The following SGCE variants were observed in gnomAD, a reference collection of about 807,000 sequenced individuals.
SGCE encodes the protein sarcoglycan epsilon.
In SGCE, 26 loss-of-function variants were observed where a neutral mutation model predicts 57.8. That is an observed-to-expected ratio of 0.45 (90% CI 0.33 to 0.62). SGCE has a LOEUF of 0.62. Ranked by LOEUF, SGCE falls within the 20% of genes least tolerant of loss-of-function variation. The probability of loss-of-function intolerance (pLI) is 0.02; values close to 1 mark genes in which losing one functional copy is unlikely to be tolerated. For synonymous variants in SGCE, 183 were observed against 189.5 expected, an observed-to-expected ratio of 0.97 and a Z score of 0.28; for missense variants, 468 against 548.6, an observed-to-expected ratio of 0.85 and a Z score of 1.47.
intron 3 of SGCE, chr7:94,626,938 T>G (rs1296754006): frequency 6.6e-6 from 1 of 152,050 alleles, no homozygotes; most frequent in African/African-American, 2.4e-5. Flanking sequence ...TCCATAACTA[T>G]CATGACAATT....
chr7:94,588,598 G>A, intron 10 of SGCE, 91 bp downstream of exon 10: 1 of 1,555,744 alleles, frequency 6.4e-7, no homozygotes, highest in Non-Finnish European at 8.7e-7. Context: ...ATTTGGTGAA[G>A]ATAAAGCTTC....
At chr7:94,590,824 T>C (rs1369634106) in intron 9 of SGCE, 5 of 152,224 alleles carry the variant, frequency 3.3e-5, no homozygotes, top group African/African-American at 1.2e-4. Context: ...TGAAAACCAT[T>C]GATATGAATT....
intron 1 of SGCE, among the ~76,000 whole-genome samples, chr7:94,637,090 T>C (rs916595865): frequency 6.6e-6 from 1 of 151,184 alleles, no homozygotes; most frequent in African/African-American, 2.4e-5. Context: ...ACAAAACATA[T>C]ATTTGTCAAA....
intron 5 of SGCE, among the ~76,000 whole-genome samples, chr7:94,614,016 G>A (rs2116839494): frequency 7.1e-6 from 1 of 141,816 alleles, no homozygotes. Flanking sequence ...CAGAAATTAG[G>A]AAAACATTGA....
chr7:94,604,847 AT>A (rs1562815458), intron 5 of SGCE, among the ~76,000 whole-genome samples: 18 of 80,916 alleles, frequency 2.2e-4, no homozygotes, highest in East Asian at 2.1e-3. Context: ...ATATATATAT[AT>A]ATATATATAT....
chr7:94,586,885 C>T (rs1796982242), intron 10 of SGCE: 3 of 985,018 alleles, frequency 3.0e-6, no homozygotes, highest in Admixed American at 6.2e-5. Flanking sequence ...GGTCTCTCTC[C>T]CTTTGGCACT....
At chr7:94,587,107 T>G (rs931931546) in intron 10 of SGCE, 344 of 984,500 alleles carry the variant, frequency 3.5e-4, no homozygotes, top group Middle Eastern at 5.2e-4. Context: ...AAAAATAATT[T>G]TATAAATTAG....
rs981148806 is a variant in SGCE at position 94,588,995 on chromosome 7, G to A, written c.1254-263C>T. On this transcript the variant is annotated intron_variant, in intron 9 of 10. Coordinates refer to ENST00000648936, the MANE Select transcript of SGCE (RefSeq NM_003919.3). Reference sequence around the variant, plus strand: ...ACCTCACAACAACCCTAAGAGGTAGGTGTTAATATTTTTCCCATTTTATGG... The same window carrying A: ...ACCTCACAACAACCCTAAGAGGTAGATGTTAATATTTTTCCCATTTTATGG... 1.5e-5 allele frequency: 7 copies of A among 468,926 alleles called. No individual in the cohort carries two copies. The South Asian group carries it at 1.6e-4, about 11-fold the overall frequency. 29.0% of individuals were successfully genotyped at this position (468,926 alleles called of 1,614,324 possible).
intron 5 of SGCE, among the ~76,000 whole-genome samples, chr7:94,608,644 G>A (rs1800529674): frequency 6.6e-6 from 1 of 152,186 alleles, no homozygotes; most frequent in African/African-American, 2.4e-5. Flanking sequence ...AACAAATTTT[G>A]AGGACTGACA....
intron 9 of SGCE, among the ~76,000 whole-genome samples, chr7:94,595,712 T>C (rs141985011): frequency 8.3e-4 from 127 of 152,180 alleles, no homozygotes; most frequent in Non-Finnish European, 1.6e-3. Context: ...TGGTAAAAAG[T>C]AAAAGTTGAA....
At chr7:94,655,224 A>T (rs1469159842) in intron 1 of SGCE, among the ~76,000 whole-genome samples, 1 of 152,210 alleles carries the variant, frequency 6.6e-6, no homozygotes, top group Non-Finnish European at 1.5e-5. Context: ...CGCCACCAAA[A>T]GTCGGTAGCT....
At chr7:94,613,997 A>G (rs1801467810) in intron 5 of SGCE, among the ~76,000 whole-genome samples, 1 of 152,058 alleles carries the variant, frequency 6.6e-6, no homozygotes, top group African/African-American at 2.4e-5. Context: ...AAACAAGTGA[A>G]AAAGTCACCA....
chr7:94,596,979 AAG>A (rs1023926535), intron 9 of SGCE, among the ~76,000 whole-genome samples: 90 of 152,284 alleles, frequency 5.9e-4, no homozygotes, highest in African/African-American at 2.0e-3. Context: ...AAAAAGGGAT[AAG>A]AGGTTGTTAA....
intron 7 of SGCE, 164 bp downstream of exon 7, chr7:94,600,482 T>G: frequency 1.7e-6 from 1 of 605,558 alleles, no homozygotes; most frequent in South Asian, 2.0e-5. Context: ...GACTCAAAAC[T>G]ATTTTAATTC....
rs376551512 is a variant in SGCE at position 94,588,523 on chromosome 7, A to G, written c.1297+166T>C. The G allele has an allele frequency of 1.3e-4, 188 of 1,453,018 alleles. 1 individual carries two copies. The highest frequency in any genetic ancestry group is 1.0e-3 in the Middle Eastern group (4 of 3,922). 90.0% of individuals were successfully genotyped at this position (1,453,018 alleles called of 1,614,324 possible). ...TTATCATTCTGATGCCAATCTATGT[A>G]ATAATCTAAGCTATTATTCTGAGGT... On this transcript the variant is annotated intron_variant, in intron 10 of 10. Coordinates refer to ENST00000648936, the MANE Select transcript of SGCE (RefSeq NM_003919.3).
chr7:94,588,721 T>G lies in SGCE; in HGVS notation c.1265A>C (p.His422Pro), dbSNP rs1208271707. Residue 422 changes from histidine to proline, a missense_variant, in exon 10 of 11, where the codon CAT (histidine) becomes CCT (proline). Physicochemically the swap from His to Pro is moderately conservative, Grantham distance 77. Coordinates refer to ENST00000648936, the MANE Select transcript of SGCE (RefSeq NM_003919.3). ...CTGCTGTTGGGGAATCTGAGTCTGA[T>G]GTGGCAAGTTCCTAGAAATGATGAA... ...PLMQTQQNLPHQTQIPQQQTT... is the reference protein window; with the variant it reads ...PLMQTQQNLPPQTQIPQQQTT... 23 of 1,612,120 alleles carry G rather than the reference T, an allele frequency of 1.4e-5. No individual in the cohort carries two copies. The highest frequency in any genetic ancestry group is 2.0e-5 in the Non-Finnish European group (23 of 1,178,356).
At chr7:94,594,872 GA>G (rs1189800409) in intron 9 of SGCE, among the ~76,000 whole-genome samples, 1 of 152,072 alleles carries the variant, frequency 6.6e-6, no homozygotes, top group Non-Finnish European at 1.5e-5. Context: ...TCTGTAATTT[GA>G]AAAGCAAAAG....
At chr7:94,643,255 A>G (rs1806641388) in intron 1 of SGCE, among the ~76,000 whole-genome samples, 1 of 152,236 alleles carries the variant, frequency 6.6e-6, no homozygotes, top group Non-Finnish European at 1.5e-5. Context: ...CTAACCCAGC[A>G]TAAGATTTAA....
chr7:94,644,277 T>C (rs558948326), intron 1 of SGCE, among the ~76,000 whole-genome samples: 16 of 152,338 alleles, frequency 1.1e-4, no homozygotes, highest in Non-Finnish European at 1.8e-4. Flanking sequence ...TCACCTTCCC[T>C]AGAAACCATA....
Sources: allele counts gnomAD v4.1 joint callset (sites outside exome capture counted in the v4.1 genomes callset), GRCh38; gene constraint gnomAD v4.1.1; transcripts MANE v1.5; gene names NCBI Gene and HGNC (gene_info 2026-07-23, HGNC 2026-07-21).